Variants in NCOA1 observed in about 807,000 individuals in gnomAD.
NCOA1 encodes the protein Hin-2 protein.
NCOA1 carries 35 observed loss-of-function variants against 150.9 expected under a neutral mutation model. That is an observed-to-expected ratio of 0.23 (90% CI 0.18 to 0.31). The LOEUF (loss-of-function observed/expected upper bound fraction) is 0.31, where lower values mean the gene tolerates loss of function less well. NCOA1 is among the 10% of genes least tolerant of loss of function. The pLI is 1.00. For missense variants in NCOA1, 1,491 were observed against 1,749.3 expected, an observed-to-expected ratio of 0.85 and a Z score of 2.63; for synonymous variants, 590 against 630.0, an observed-to-expected ratio of 0.94 and a Z score of 0.95.
intron 6 of NCOA1, among the ~76,000 whole-genome samples, chr2:24,673,037 T>C (rs1458349153): frequency 6.6e-6 from 1 of 152,234 alleles, no homozygotes; most frequent in African/African-American, 2.4e-5. Context: ...TTTTACAACT[T>C]ACCCATTTCT....
At chr2:24,527,404 A>G (rs1664696606) in intron 1 of NCOA1, among the ~76,000 whole-genome samples, 2 of 152,100 alleles carry the variant, frequency 1.3e-5, no homozygotes, top group African/African-American at 4.8e-5. Flanking sequence ...GTGAGGTCAT[A>G]TAATCTTCTT....
Position 24,721,599 on chromosome 2 carries a change from C to A in NCOA1, c.2600-4990C>A, listed in dbSNP as rs967148566. 3.3e-5 allele frequency among the ~76,000 whole-genome samples: 5 copies of A among 152,296 alleles called. No individual in the cohort carries two copies. The South Asian group carries it at 8.3e-4, about 25-fold the overall frequency. On this transcript the variant is annotated intron_variant, in intron 14 of 22. Transcript: ENST00000348332. Reference sequence around the variant, plus strand: ...GCCCTAGCACCCCCTTTGGGAGATTCCCTGGGCAGAACTCCCATTTTGAGT... The same window carrying A: ...GCCCTAGCACCCCCTTTGGGAGATTACCTGGGCAGAACTCCCATTTTGAGT...
intron 3 of NCOA1, among the ~76,000 whole-genome samples, chr2:24,627,811 G>T (rs1208698967): frequency 6.6e-6 from 1 of 152,210 alleles, no homozygotes; most frequent in Admixed American, 6.5e-5. Context: ...AGGTTTTTGA[G>T]TGTGGATTTT....
chr2:24,698,942 C>T (rs189212871), intron 11 of NCOA1, among the ~76,000 whole-genome samples: 1 of 152,254 alleles, frequency 6.6e-6, no homozygotes, highest in African/African-American at 2.4e-5. Context: ...CAGCTTCGTA[C>T]AGACTAGTGG....
rs543551265 is a variant in NCOA1 at position 24,707,729 on chromosome 2, A to G, written c.2259A>G (p.Leu753=). ...SKDHQLLRYL[L]DKDEKDLRST... ...ACCATCAGCTCCTACGCTATCTTTT[A>G]GATAAAGATGAGAAAGATTTAAGAT... The change falls in exon 13 of 23, where the codon TTA becomes TTG. Residue 753 remains leucine, a synonymous_variant. Coordinates refer to ENST00000348332, the MANE Select transcript of NCOA1 (RefSeq NM_003743.5). 3.4e-4 allele frequency: 552 copies of G among 1,613,926 alleles called. No individual in the cohort carries two copies. The highest frequency in any genetic ancestry group is 4.5e-4 in the Non-Finnish European group (530 of 1,179,866).
chr2:24,733,017 C>T (rs536322375), intron 17 of NCOA1, among the ~76,000 whole-genome samples: 1 of 152,084 alleles, frequency 6.6e-6, no homozygotes, highest in East Asian at 1.9e-4. Flanking sequence ...ACCAATGGTT[C>T]GCAAAGACTG....
At chr2:24,642,037 T>TGTGC (rs942145000) in intron 3 of NCOA1, among the ~76,000 whole-genome samples, 374 of 138,552 alleles carry the variant, frequency 2.7e-3, no homozygotes, top group African/African-American at 8.8e-3. Flanking sequence ...TGTGTGTGTG[T>TGTGC]GCGCGCGTGC....
chr2:24,708,023 T>C, intron 13 of NCOA1, 135 bp downstream of exon 13: 2 of 1,100,820 alleles, frequency 1.8e-6, no homozygotes, highest in Non-Finnish European at 2.5e-6. Context: ...AAGAGGTTAG[T>C]ATCAATAACT....
intron 6 of NCOA1, among the ~76,000 whole-genome samples, chr2:24,669,737 A>G (rs1036693070): frequency 6.6e-6 from 1 of 152,250 alleles, no homozygotes; most frequent in Non-Finnish European, 1.5e-5. Flanking sequence ...AAATGTACAA[A>G]TGGCCAACAA....
At chr2:24,735,329 AC>A (rs1337961318) in intron 17 of NCOA1, among the ~76,000 whole-genome samples, 1 of 152,102 alleles carries the variant, frequency 6.6e-6, no homozygotes, top group Non-Finnish European at 1.5e-5. Context: ...TTGGATTGAT[AC>A]CCACCCATCT....
At chr2:24,627,869 T>C (rs1170053973) in intron 3 of NCOA1, among the ~76,000 whole-genome samples, 1 of 152,220 alleles carries the variant, frequency 6.6e-6, no homozygotes, top group Admixed American at 6.5e-5. Context: ...CAGAGAGAAA[T>C]TGTATTGCAG....
intron 10 of NCOA1, among the ~76,000 whole-genome samples, chr2:24,695,688 T>C (rs185137004): frequency 6.6e-6 from 1 of 152,336 alleles, no homozygotes; most frequent in African/African-American, 2.4e-5. Flanking sequence ...CTAGGAAATG[T>C]TGAACAGTGG....
chr2:24,546,290 G>C (rs1665604739), intron 1 of NCOA1, among the ~76,000 whole-genome samples: 1 of 151,630 alleles, frequency 6.6e-6, no homozygotes, highest in African/African-American at 2.4e-5. Context: ...ATGCATTCAT[G>C]TAGTTTCTTG....
intron 19 of NCOA1, among the ~76,000 whole-genome samples, chr2:24,742,434 G>A (rs933827962): frequency 6.6e-6 from 1 of 151,824 alleles, no homozygotes; most frequent in East Asian, 1.9e-4. Flanking sequence ...TGAGCATTTT[G>A]TATGCAAAGT....
rs778215220 is a variant in NCOA1, at chr2:24,726,674, A to G, written c.2685A>G (p.Thr895=). The change falls in exon 15 of 23, where the codon ACA becomes ACG. Residue 895 remains threonine (T), a synonymous_variant. Transcript: ENST00000348332. ...TGDQIPWTNN[T]VTAINQSKSE... is the part of the protein sequence containing the mutation. ...ATCAGATTCCATGGACAAATAATAC[A>G]GTGACAGCTATAAATCAGAGTAAAT... The G allele has an allele frequency of 5.6e-5, 90 of 1,611,020 alleles. No individual in the cohort carries two copies. The highest frequency in any genetic ancestry group is 7.0e-5 in the Non-Finnish European group (82 of 1,178,590).
In NCOA1 at chr2:24,576,157, TTTTTTG is replaced by T. The variant is rs750532181; in HGVS notation, c.-259-8313_-259-8308del. On this transcript the variant is annotated intron_variant, in intron 2 of 22. Transcript: ENST00000348332. ...GAAATTATTTGGCCTTTGTTTTTTT[TTTTTTG>T]TTTTTTGTTTTTTTTTTTTTTTTTT... Among the ~76,000 whole-genome samples the T allele has an allele frequency of 9.3e-3, 875 of 94,416 alleles. 36 individuals are homozygous for T. In the East Asian group the frequency reaches 0.12, roughly 13 times the overall value. 61.9% of individuals were successfully genotyped at this position (94,416 alleles called of 152,430 possible).
chr2:24,600,699 G>A (rs187049252), intron 3 of NCOA1, among the ~76,000 whole-genome samples: 1 of 152,114 alleles, frequency 6.6e-6, no homozygotes, highest in African/African-American at 2.4e-5. Flanking sequence ...TTTCTTTCCA[G>A]ATAGGAATTT....
intron 3 of NCOA1, among the ~76,000 whole-genome samples, chr2:24,591,632 T>G (rs942613501): frequency 3.3e-5 from 5 of 152,106 alleles, no homozygotes; most frequent in Non-Finnish European, 5.9e-5. Flanking sequence ...AGTCTTTCCT[T>G]CAATCCCTCT....
chr2:24,620,428 A>G (rs1396334163), intron 3 of NCOA1, among the ~76,000 whole-genome samples: 2 of 152,046 alleles, frequency 1.3e-5, no homozygotes, highest in Non-Finnish European at 1.5e-5. Context: ...ACATAGAGAA[A>G]CCCCGTCTCT....
Sources: gnomAD v4.1 joint callset for allele counts (sites outside exome capture counted in the v4.1 genomes callset) on GRCh38, gnomAD v4.1.1 for gene constraint, MANE v1.5 for transcripts, NCBI Gene and HGNC (gene_info 2026-07-23, HGNC 2026-07-21) for gene names.